CSMD1: variants seen among roughly 807,000 people sequenced by gnomAD.
CSMD1 encodes the protein CUB and Sushi multiple domains 1.
In CSMD1, 213 loss-of-function variants were observed where a neutral mutation model predicts 417.5. The ratio of observed to expected loss-of-function variants is 0.51; its 90% CI spans 0.46 to 0.57. CSMD1 has a LOEUF of 0.57. CSMD1 is among the 20% of genes least tolerant of loss of function. The probability of loss-of-function intolerance (pLI) is 0.00; values close to 1 mark genes in which losing one functional copy is unlikely to be tolerated. For missense variants in CSMD1, 6,923 were observed against 4,529.7 expected, an observed-to-expected ratio of 1.53 and a Z score of -15.17; for synonymous variants, 2,862 against 1,736.8, an observed-to-expected ratio of 1.65 and a Z score of -16.11.
intron 3 of CSMD1, among the ~76,000 whole-genome samples, chr8:4,374,132 C>T (rs891776327): frequency 2.6e-5 from 4 of 152,096 alleles, no homozygotes; most frequent in Non-Finnish European, 5.9e-5. Flanking sequence ...ATTGACCCAT[C>T]AGCTGGATAA....
At chr8:3,845,819 T>C (rs1436478545) in intron 5 of CSMD1, among the ~76,000 whole-genome samples, 1 of 151,958 alleles carries the variant, frequency 6.6e-6, no homozygotes, top group African/African-American at 2.4e-5. Flanking sequence ...TCTATGTGCT[T>C]TCTTCTATTT....
intron 3 of CSMD1, among the ~76,000 whole-genome samples, chr8:4,258,852 C>T (rs1022506767): frequency 1.3e-5 from 2 of 152,098 alleles, no homozygotes; most frequent in Admixed American, 6.5e-5. Context: ...TCATGGACAA[C>T]GGCTGCAAAA....
At position 3,316,216 on chromosome 8, in the gene CSMD1, G is replaced by A. The variant is rs146894232; in HGVS notation, c.3632-7713C>T. On this transcript the variant is annotated intron_variant, in intron 23 of 69. Transcript: ENST00000635120. ...CAAGGTGGTAAGAACTTACAATTAG[G>A]TGCTAACTATATACTGTATGTATTG... 1.2e-3 allele frequency among the ~76,000 whole-genome samples: 190 copies of A among 152,220 alleles called. 1 individual carries two copies. The Middle Eastern group carries it at 0.014, about 11-fold the overall frequency.
chr8:3,119,647 C>T (rs1470345757), intron 41 of CSMD1, among the ~76,000 whole-genome samples: 8 of 152,180 alleles, frequency 5.3e-5, no homozygotes, highest in Admixed American at 1.3e-4. Context: ...ATGAGCCTCT[C>T]GCCCACTCTG....
At chr8:4,516,199 C>A (rs766198978) in intron 2 of CSMD1, among the ~76,000 whole-genome samples, 1 of 151,944 alleles carries the variant, frequency 6.6e-6, no homozygotes, top group South Asian at 2.1e-4. Flanking sequence ...AGATAAGAAC[C>A]CAGACACACA....
chr8:3,595,593 A>G (rs1344975879), intron 8 of CSMD1, among the ~76,000 whole-genome samples: 1 of 152,190 alleles, frequency 6.6e-6, no homozygotes, highest in African/African-American at 2.4e-5. Context: ...ATCAAAATAT[A>G]GGATGGTTCC....
rs1377221479 is a variant in CSMD1, at chr8:3,387,391, G to A, written c.2782+103C>T. The A allele has an allele frequency of 1.1e-5, 10 of 929,786 alleles. No homozygotes were observed. In the African/African-American group the frequency reaches 1.2e-4, roughly 11 times the overall value. The allele number at this position is 929,786 out of a possible 1,614,324, so 57.6% of individuals were successfully genotyped here. On this transcript the variant is annotated intron_variant, in intron 18 of 69. Transcript: ENST00000635120. ...TTCTCAGAGGGAACTCACGCCAGTCGTAAGGTACCACCCCCTGAAATACAC... is the reference window on the plus strand; with the variant it reads ...TTCTCAGAGGGAACTCACGCCAGTCATAAGGTACCACCCCCTGAAATACAC...
chr8:4,511,875 C>G (rs892289434), intron 2 of CSMD1, among the ~76,000 whole-genome samples: 2 of 152,172 alleles, frequency 1.3e-5, no homozygotes, highest in African/African-American at 4.8e-5. Context: ...GAGCCTCCTC[C>G]TGCTTCCAGC....
intron 1 of CSMD1, among the ~76,000 whole-genome samples, chr8:4,812,596 G>C (rs1465388537): frequency 6.6e-6 from 1 of 150,974 alleles, no homozygotes. Flanking sequence ...ATCCAAGCAA[G>C]CTTTTTTTAA....
chr8:3,583,882 G>A (rs1800487397), intron 9 of CSMD1, among the ~76,000 whole-genome samples: 1 of 151,534 alleles, frequency 6.6e-6, no homozygotes, highest in African/African-American at 2.4e-5. Context: ...CTTATCAACT[G>A]ATGCAACTAG....
intron 11 of CSMD1, among the ~76,000 whole-genome samples, chr8:3,487,228 G>C (rs1414796595): frequency 1.3e-5 from 2 of 152,130 alleles, no homozygotes; most frequent in African/African-American, 2.4e-5. Context: ...TTGAGACAGA[G>C]TCTAGCTCTG....
intron 4 of CSMD1, among the ~76,000 whole-genome samples, chr8:4,016,152 C>T (rs186772839): frequency 2.0e-4 from 30 of 152,248 alleles, no homozygotes; most frequent in African/African-American, 7.0e-4. Flanking sequence ...GATAGGATTG[C>T]ATAAAAGCAT....
intron 26 of CSMD1, among the ~76,000 whole-genome samples, chr8:3,252,309 A>T (rs566548539): frequency 6.6e-6 from 1 of 152,178 alleles, no homozygotes; most frequent in South Asian, 2.1e-4. Flanking sequence ...TTCTGCATCT[A>T]TTGGGATTAT....
At chr8:3,695,049 G>C (rs149215111) in intron 7 of CSMD1, among the ~76,000 whole-genome samples, 2 of 149,806 alleles carry the variant, frequency 1.3e-5, no homozygotes, top group Non-Finnish European at 3.0e-5. Flanking sequence ...AAAAAGTCAC[G>C]TGGAAGAAAG....
intron 1 of CSMD1, among the ~76,000 whole-genome samples, chr8:4,814,297 G>A (rs932977402): frequency 2.2e-4 from 33 of 152,156 alleles, no homozygotes; most frequent in African/African-American, 4.1e-4. Flanking sequence ...CCAGGCTGGA[G>A]CGCAATGGCA....
intron 3 of CSMD1, among the ~76,000 whole-genome samples, chr8:4,362,324 A>G (rs1801815285): frequency 6.6e-6 from 1 of 152,112 alleles, no homozygotes; most frequent in Admixed American, 6.6e-5. Flanking sequence ...TGGGGTTGTA[A>G]CTGAACCTTG....
intron 3 of CSMD1, among the ~76,000 whole-genome samples, chr8:4,131,809 C>A (rs1488522932): frequency 8.1e-6 from 1 of 123,982 alleles, no homozygotes; most frequent in African/African-American, 3.1e-5. Context: ...GTCACCCAGG[C>A]TGGACTGCAG....
chr8:2,944,928 C>A (rs1802116543), intron 68 of CSMD1, among the ~76,000 whole-genome samples: 1 of 152,112 alleles, frequency 6.6e-6, no homozygotes, highest in African/African-American at 2.4e-5. Context: ...GCTGGAAAAT[C>A]TACGTGTCAC....
chr8:3,996,443 G>GGTTT (rs774161194), intron 5 of CSMD1, among the ~76,000 whole-genome samples: 5 of 77,968 alleles, frequency 6.4e-5, no homozygotes, highest in Admixed American at 1.5e-4. Context: ...TCATTTTTAA[G>GGTTT]ATTTTTTTTT....
Sources: gnomAD v4.1 joint callset for allele counts (sites outside exome capture counted in the v4.1 genomes callset) on GRCh38, gnomAD v4.1.1 for gene constraint, MANE v1.5 for transcripts, NCBI Gene and HGNC (gene_info 2026-07-23, HGNC 2026-07-21) for gene names.